The following MAPK10 variants were observed in gnomAD, a reference collection of about 807,000 sequenced individuals.
The protein encoded by MAPK10 is JNK3 alpha protein kinase.
MAPK10 carries 25 observed loss-of-function variants against 59.3 expected under a neutral mutation model. That is an observed-to-expected ratio of 0.42 (90% confidence interval 0.31 to 0.59). The LOEUF (loss-of-function observed/expected upper bound fraction) is 0.59. MAPK10 is among the 20% of genes least tolerant of loss of function. The pLI, the probability that MAPK10 is intolerant of heterozygous loss-of-function variation, is 0.15. For synonymous variants in MAPK10, 190 were observed against 200.5 expected, an observed-to-expected ratio of 0.95 and a Z score of 0.44; for missense variants, 351 against 568.9, an observed-to-expected ratio of 0.62 and a Z score of 3.90.
At chr4:86,539,005 G>C (rs1225630771) in intron 1 of MAPK10, among the ~76,000 whole-genome samples, 1 of 152,016 alleles carries the variant, frequency 6.6e-6, no homozygotes, top group Admixed American at 6.6e-5. Flanking sequence ...TGCTGTAATA[G>C]GCACATCAGC....
chr4:86,390,923 CTT>C (rs1292691314), intron 1 of MAPK10, among the ~76,000 whole-genome samples: 3 of 152,186 alleles, frequency 2.0e-5, no homozygotes, highest in Non-Finnish European at 4.4e-5. Flanking sequence ...AGGCTTGACT[CTT>C]TGAGAGATTA....
intron 2 of MAPK10, among the ~76,000 whole-genome samples, chr4:86,277,498 T>G (rs1028273575): frequency 6.6e-6 from 1 of 152,180 alleles, no homozygotes; most frequent in Non-Finnish European, 1.5e-5. Context: ...ATAAAATAAT[T>G]TAAAAGCTAA....
At chr4:86,216,415 C>G (rs2087646789) in intron 2 of MAPK10, among the ~76,000 whole-genome samples, 1 of 151,044 alleles carries the variant, frequency 6.6e-6, no homozygotes, top group African/African-American at 2.4e-5. Context: ...GATCAATGTA[C>G]TTAACACTAC....
intron 4 of MAPK10, among the ~76,000 whole-genome samples, chr4:86,153,796 T>C (rs769743306): frequency 2.0e-5 from 3 of 152,160 alleles, no homozygotes; most frequent in East Asian, 3.8e-4. Flanking sequence ...GAATACAGTG[T>C]CTAATTCTGT....
chr4:86,283,346 T>A (rs1236330224), intron 2 of MAPK10, among the ~76,000 whole-genome samples: 2 of 152,158 alleles, frequency 1.3e-5, no homozygotes, highest in Admixed American at 1.3e-4. Context: ...ACAAAGCTGA[T>A]CAATATAATC....
chr4:86,574,433 G>A (rs1340866500), intron 1 of MAPK10, among the ~76,000 whole-genome samples: 1 of 151,614 alleles, frequency 6.6e-6, no homozygotes, highest in East Asian at 1.9e-4. Context: ...TAATGGGATG[G>A]CTGGGTCAAA....
At chr4:86,077,669 C>G (rs975398098) in intron 9 of MAPK10, among the ~76,000 whole-genome samples, 1 of 152,144 alleles carries the variant, frequency 6.6e-6, no homozygotes, top group African/African-American at 2.4e-5. Context: ...GTACTCTGCT[C>G]TAGGCCTTAT....
intron 5 of MAPK10, among the ~76,000 whole-genome samples, chr4:86,105,149 T>C (rs4693753): frequency 0.11 from 16,308 of 152,138 alleles, 1,129 homozygotes; most frequent in Admixed American, 0.15. Flanking sequence ...ACTAACACCA[T>C]AAAGAAGTAT....
intron 2 of MAPK10, among the ~76,000 whole-genome samples, chr4:86,319,258 A>G (rs12645370): frequency 0.24 from 36,766 of 151,976 alleles, 4,868 homozygotes; most frequent in South Asian, 0.43. Flanking sequence ...AGAAGGGTAA[A>G]GGGAGAAGCC....
intron 4 of MAPK10, among the ~76,000 whole-genome samples, chr4:86,154,842 T>C (rs1160002062): frequency 1.3e-5 from 2 of 152,228 alleles, no homozygotes; most frequent in African/African-American, 2.4e-5. Context: ...CAATTGAATC[T>C]ATAATATTTA....
At chr4:86,433,916 A>G (rs780159407) in intron 1 of MAPK10, among the ~76,000 whole-genome samples, 1 of 152,206 alleles carries the variant, frequency 6.6e-6, no homozygotes, top group Non-Finnish European at 1.5e-5. Flanking sequence ...ACAAATTACA[A>G]TAGAATAGAA....
intron 1 of MAPK10, among the ~76,000 whole-genome samples, chr4:86,436,355 AAAAT>A (rs2149044467): frequency 6.6e-6 from 1 of 152,316 alleles, no homozygotes; most frequent in African/African-American, 2.4e-5. Context: ...GAAAATTACT[AAAAT>A]AAGTTACAGT....
At chr4:86,522,382 G>T (rs985560147) in intron 1 of MAPK10, among the ~76,000 whole-genome samples, 2 of 152,184 alleles carry the variant, frequency 1.3e-5, no homozygotes, top group Non-Finnish European at 2.9e-5. Flanking sequence ...GTTGGAGCTA[G>T]AATATGAACT....
chr4:86,591,407 T>G (rs1763038145), intron 1 of MAPK10, among the ~76,000 whole-genome samples: 2 of 152,294 alleles, frequency 1.3e-5, no homozygotes, highest in South Asian at 4.1e-4. Context: ...AGGATCTCAC[T>G]CTGTTGCCCA....
rs1271219105 is a variant in MAPK10 at position 86,588,942 on chromosome 4, G to T, written c.-263+4968C>A. Among the ~76,000 whole-genome samples the T allele has an allele frequency of 2.0e-5, 3 of 151,942 alleles. No individual in the cohort carries two copies. The East Asian group carries it at 5.8e-4, about 29-fold the overall frequency. The stretch of plus-strand genomic sequence containing the variant: ...GTTATTAAACAGAAAAGAGCTTAAG[G>T]GTAGATCCTAGAACATACAGGAATT... On this transcript the variant is annotated intron_variant, in intron 1 of 4. Transcript: ENST00000502302.
intron 4 of MAPK10, among the ~76,000 whole-genome samples, chr4:86,133,640 C>A (rs2061394804): frequency 1.3e-5 from 2 of 152,216 alleles, no homozygotes; most frequent in African/African-American, 4.8e-5. Context: ...CTAAAAAACT[C>A]TTTTTGTGGG....
intron 3 of MAPK10, chr4:86,194,111 G>C (rs773473517): frequency 2.0e-6 from 1 of 510,292 alleles, no homozygotes; most frequent in Non-Finnish European, 3.5e-6. Context: ...GATGAACCAG[G>C]TACCTCACGT....
At chr4:86,427,256 CAAAAA>C (rs576600795) in intron 1 of MAPK10, among the ~76,000 whole-genome samples, 4 of 93,768 alleles carry the variant, frequency 4.3e-5, no homozygotes, top group Non-Finnish European at 6.4e-5. Context: ...GATTCTGTCT[CAAAAA>C]AAAAAAAAAA....
chr4:86,574,833 T>G (rs556823529), intron 1 of MAPK10, among the ~76,000 whole-genome samples: 1 of 152,162 alleles, frequency 6.6e-6, no homozygotes, highest in Non-Finnish European at 1.5e-5. Context: ...TCCTTTATAA[T>G]CTGTACACCT....
Sources: allele counts gnomAD v4.1 joint callset (sites outside exome capture counted in the v4.1 genomes callset), GRCh38; gene constraint gnomAD v4.1.1; transcripts MANE v1.5; gene names NCBI Gene and HGNC (gene_info 2026-07-23, HGNC 2026-07-21).